Variants in ARFGEF1 observed in about 807,000 individuals in gnomAD.
ARFGEF1 encodes the protein brefeldin A-inhibited guanine nucleotide-exchange protein 1.
ARFGEF1 carries 42 observed loss-of-function variants against 231.0 expected under a neutral mutation model. The ratio of observed to expected loss-of-function variants is 0.18; its 90% CI spans 0.14 to 0.24. The LOEUF (loss-of-function observed/expected upper bound fraction) is 0.24, where lower values mean the gene tolerates loss of function less well. Ranked by LOEUF, ARFGEF1 falls within the 10% of genes least tolerant of loss-of-function variation. The pLI is 1.00. For synonymous variants in ARFGEF1, 710 were observed against 732.3 expected (o/e 0.97, Z 0.49); for missense variants, 1,345 against 2,192.0 (o/e 0.61, Z 7.72).
chr8:67,239,172 A>C (rs2128878441), intron 20 of ARFGEF1, among the ~76,000 whole-genome samples: 1 of 151,612 alleles, frequency 6.6e-6, no homozygotes, highest in East Asian at 1.9e-4. Flanking sequence ...ATGCCAAGCT[A>C]ATTTTTTGTA....
At chr8:67,218,343 T>A (rs535020436) in intron 30 of ARFGEF1, among the ~76,000 whole-genome samples, 2 of 151,082 alleles carry the variant, frequency 1.3e-5, no homozygotes, top group South Asian at 4.2e-4. Flanking sequence ...CTATTGCTCC[T>A]TATTATCCCA....
intron 5 of ARFGEF1, among the ~76,000 whole-genome samples, chr8:67,183,098 T>C (rs1833454150): frequency 6.6e-6 from 1 of 152,242 alleles, no homozygotes; most frequent in Non-Finnish European, 1.5e-5. Context: ...AAGAGTTTTA[T>C]CTATAGGTTT....
intron 34 of ARFGEF1, among the ~76,000 whole-genome samples, 199 bp from the exon 35 acceptor site, chr8:67,205,018 T>C (rs892874935): frequency 9.9e-5 from 15 of 152,220 alleles, no homozygotes; most frequent in African/African-American, 3.1e-4. Flanking sequence ...AAAGTAATTT[T>C]TAAAATAAAA....
Position 67,343,154 on chromosome 8 carries a change from C to T in ARFGEF1, c.124+10G>A. On this transcript the variant is annotated intron_variant, in intron 1 of 38. Coordinates refer to ENST00000262215, the MANE Select transcript of ARFGEF1 (RefSeq NM_006421.5). ...AAGCACCCCATCCCCCGGGCCTCCTCCCCGCTCACCTAACGCCACCTCGCA... is the reference window on the plus strand; with the variant it reads ...AAGCACCCCATCCCCCGGGCCTCCTTCCCGCTCACCTAACGCCACCTCGCA... 3 of 1,603,840 alleles carry T rather than the reference C, an allele frequency of 1.9e-6. No homozygotes were observed. Among genetic ancestry groups the T allele is most frequent in the Non-Finnish European group, 2.6e-6 (3 of 1,175,720 alleles).
At chr8:67,239,996 A>C (rs1383963942) in intron 20 of ARFGEF1, among the ~76,000 whole-genome samples, 166 bp downstream of exon 20, 1 of 152,236 alleles carries the variant, frequency 6.6e-6, no homozygotes, top group Non-Finnish European at 1.5e-5. Context: ...TACCCCTTCT[A>C]TAACAGCTTC....
intron 1 of ARFGEF1, among the ~76,000 whole-genome samples, chr8:67,308,404 C>T (rs530220134): frequency 5.9e-5 from 9 of 152,130 alleles, no homozygotes; most frequent in Non-Finnish European, 1.2e-4. Flanking sequence ...AAAAGGATTG[C>T]CAGGATCATG....
At chr8:67,245,225 G>A (rs2128881507) in intron 19 of ARFGEF1, among the ~76,000 whole-genome samples, 1 of 150,710 alleles carries the variant, frequency 6.6e-6, no homozygotes, top group South Asian at 2.1e-4. Context: ...AAATGCTAAA[G>A]GGAGTACTTC....
intron 1 of ARFGEF1, among the ~76,000 whole-genome samples, chr8:67,321,032 G>A (rs1807565422): frequency 6.6e-6 from 1 of 152,064 alleles, no homozygotes; most frequent in East Asian, 1.9e-4. Context: ...AATGCATGCT[G>A]AGTGAAAGAA....
In ARFGEF1 at chr8:67,219,570, C is replaced by T. The variant is rs370196711; in HGVS notation, c.4209-10G>A. On this transcript the variant is annotated splice_polypyrimidine_tract_variant and intron_variant, in intron 29 of 38. Transcript: ENST00000262215. ...CATTACTGTTAAACCCCTAAAATGA[C>T]AAAACACAATTAGAAAGCTGTAATA... 3.8e-6 allele frequency: 6 copies of T among 1,578,864 alleles called. No individual in the cohort carries two copies. Among genetic ancestry groups the T allele is most frequent in the South Asian group, 2.4e-5 (2 of 83,050 alleles).
intron 5 of ARFGEF1, among the ~76,000 whole-genome samples, chr8:67,293,226 C>G (rs1474940370): frequency 6.6e-6 from 1 of 152,084 alleles, no homozygotes; most frequent in Non-Finnish European, 1.5e-5. Flanking sequence ...AATACATGTT[C>G]ATAGCCTTTA....
At chr8:67,327,003 A>G (rs971535085) in intron 1 of ARFGEF1, among the ~76,000 whole-genome samples, 1 of 152,206 alleles carries the variant, frequency 6.6e-6, no homozygotes, top group Non-Finnish European at 1.5e-5. Context: ...AGTACAATCA[A>G]CATCTAATAC....
At position 67,281,306 on chromosome 8, in the gene ARFGEF1, CA is replaced by C. The variant is rs200365495; in HGVS notation, c.1028-3850del. Among the ~76,000 whole-genome samples the C allele has an allele frequency of 6.9e-3, 1,054 of 151,768 alleles. 10 individuals carry two copies. The highest frequency in any genetic ancestry group is 0.012 in the South Asian group (57 of 4,796). On this transcript the variant is annotated intron_variant, in intron 7 of 38. Coordinates refer to ENST00000262215, the MANE Select transcript of ARFGEF1 (RefSeq NM_006421.5). The stretch of plus-strand genomic sequence containing the variant: ...GATGAAGAAGAATTAACAATAACAA[CA>C]AAAAAACTTTCTAAAATGATGAAAA...
downstream of ARFGEF1, among the ~76,000 whole-genome samples, chr8:67,194,535 G>A (rs757937549): frequency 6.6e-6 from 1 of 152,056 alleles, no homozygotes; most frequent in Non-Finnish European, 1.5e-5. Flanking sequence ...ATATTTAACA[G>A]GAATATATTT....
chr8:67,227,057 T>G, intron 27 of ARFGEF1, 80 bp downstream of exon 27: 5 of 1,320,654 alleles, frequency 3.8e-6, no homozygotes, highest in Non-Finnish European at 3.1e-6. Flanking sequence ...AATCTTATTG[T>G]TACTTGAATC....
At chr8:67,272,040 A>C (rs1243964013) in intron 9 of ARFGEF1, 104 bp from the exon 10 acceptor site, 6 of 704,522 alleles carry the variant, frequency 8.5e-6, no homozygotes, top group Admixed American at 3.2e-5. Flanking sequence ...ATAATTTCAT[A>C]AACTTTGTAA....
Position 67,211,539 on chromosome 8 carries a change from G to C in ARFGEF1, c.4763C>G (p.Pro1588Arg). The C allele has an allele frequency of 6.3e-7, 1 of 1,594,432 alleles. No individual in the cohort carries two copies. The highest frequency in any genetic ancestry group is 1.4e-5 in the African/African-American group (1 of 74,030). ...PRSVDNRPQA[P>R]LVSASAVNEE... ...ATTAACAGCAGACGCAGAAACCAGTGGTGCTTGTGGTCTGTTATCCACAGA... is the reference window on the plus strand; with the variant it reads ...ATTAACAGCAGACGCAGAAACCAGTCGTGCTTGTGGTCTGTTATCCACAGA... Residue 1588 changes from proline (P) to arginine (R), a missense_variant, in exon 34 of 39, where the codon CCA becomes CGA. Coordinates refer to ENST00000262215, the MANE Select transcript of ARFGEF1 (RefSeq NM_006421.5).
intron 14 of ARFGEF1, among the ~76,000 whole-genome samples, chr8:67,260,146 C>A (rs1361174366): frequency 2.6e-5 from 4 of 152,132 alleles, no homozygotes; most frequent in Admixed American, 6.5e-5. Context: ...TTATTACTAT[C>A]ATTTCACTGA....
At chr8:67,235,620 G>A (rs1001616330) in intron 22 of ARFGEF1, among the ~76,000 whole-genome samples, 8 of 151,970 alleles carry the variant, frequency 5.3e-5, no homozygotes, top group Non-Finnish European at 8.8e-5. Flanking sequence ...CCTGAAGCCC[G>A]GAGTTTGAAA....
rs991116696 is a variant in ARFGEF1, at chr8:67,238,607, A to G, written c.3139-114T>C. 2.1e-6 allele frequency: 3 copies of G among 1,416,836 alleles called. No individual in the cohort carries two copies. The South Asian group carries it at 4.1e-5, about 20-fold the overall frequency. The allele number at this position is 1,416,836 out of a possible 1,614,324, so 87.8% of individuals were successfully genotyped here. On this transcript the variant is annotated intron_variant, in intron 21 of 38. Transcript: ENST00000262215. ...AGACTACACTATAGATTATTTTAAA[A>G]AGCTAAACGTACTTATTCGAAATGT...
Sources: allele counts gnomAD v4.1 joint callset (sites outside exome capture counted in the v4.1 genomes callset), GRCh38; gene constraint gnomAD v4.1.1; transcripts MANE v1.5; gene names NCBI Gene and HGNC (gene_info 2026-07-23, HGNC 2026-07-21).